The following CELF2 variants were observed in gnomAD, a reference collection of about 807,000 sequenced individuals.
CELF2 encodes CUGBP Elav-like family member 2.
Under a neutral mutation model 62.6 loss-of-function variants are expected in CELF2, and 8 were observed. That is an observed-to-expected ratio of 0.13 (90% CI 0.07 to 0.23). The LOEUF (loss-of-function observed/expected upper bound fraction) is 0.23, where lower values mean the gene tolerates loss of function less well. Ranked by LOEUF, CELF2 falls within the 10% of genes least tolerant of loss-of-function variation. CELF2 has a pLI of 1.00. For synonymous variants in CELF2, 258 were observed against 250.0 expected, an observed-to-expected ratio of 1.03 and a Z score of -0.30; for missense variants, 333 against 671.0, an observed-to-expected ratio of 0.50 and a Z score of 5.56.
At chr10:11,035,634 C>G (rs1297110795) in intron 1 of CELF2, among the ~76,000 whole-genome samples, 4 of 152,226 alleles carry the variant, frequency 2.6e-5, no homozygotes, top group African/African-American at 7.2e-5. Flanking sequence ...CTTTTTCACT[C>G]TGTAAGGCTA....
chr10:10,710,646 C>T, the CELF2 span, among the ~76,000 whole-genome samples: 1 of 151,754 alleles, frequency 6.6e-6, no homozygotes, highest in South Asian at 2.1e-4. Context: ...TGTTGTTTCT[C>T]TTTTAGAATG....
intron 5 of CELF2, among the ~76,000 whole-genome samples, chr10:11,264,231 TACTTC>T (rs1226604848): frequency 5.2e-5 from 8 of 152,386 alleles, no homozygotes; most frequent in Non-Finnish European, 8.8e-5. Flanking sequence ...CTATTGGTAA[TACTTC>T]TCTTCTGAGG....
At chr10:11,194,997 C>A (rs1196083597) in intron 2 of CELF2, among the ~76,000 whole-genome samples, 1 of 152,160 alleles carries the variant, frequency 6.6e-6, no homozygotes, top group Non-Finnish European at 1.5e-5. Context: ...TTTTAAGCAT[C>A]CTGTGGCACT....
At chr10:10,765,806 T>G in the CELF2 span, among the ~76,000 whole-genome samples, 3 of 152,172 alleles carry the variant, frequency 2.0e-5, no homozygotes, top group Non-Finnish European at 4.4e-5. Context: ...GAGTGTCTTT[T>G]CTTTGTTGGG....
At chr10:10,836,493 G>GT (rs1342839606) in intron 1 of CELF2, among the ~76,000 whole-genome samples, 1 of 152,230 alleles carries the variant, frequency 6.6e-6, no homozygotes, top group Non-Finnish European at 1.5e-5. Context: ...TGGCCAGGCA[G>GT]AAGCCTTTCT....
At chr10:10,933,082 C>G (rs1477962726) in intron 2 of CELF2, among the ~76,000 whole-genome samples, 1 of 151,728 alleles carries the variant, frequency 6.6e-6, no homozygotes, top group African/African-American at 2.4e-5. Flanking sequence ...AATGCTTGAG[C>G]CCAGGAGTTC....
the CELF2 span, among the ~76,000 whole-genome samples, chr10:10,766,204 C>A: frequency 2.6e-5 from 4 of 152,200 alleles, no homozygotes. Flanking sequence ...TCCTAATTCT[C>A]TCCCCTTGGT....
Position 11,330,912 on chromosome 10 carries a change from CTAGAGGTCTG to C in CELF2, c.*1862_*1871del, listed in dbSNP as rs1177364239. 6.6e-6 allele frequency: 1 copy of C among 152,518 alleles called. No homozygotes were observed. The highest frequency in any genetic ancestry group is 2.4e-5 in the African/African-American group (1 of 41,440). The allele number at this position is 152,518 out of a possible 1,614,324, so 9.4% of individuals were successfully genotyped here. On this transcript the variant is annotated 3_prime_UTR_variant, in exon 13 of 13. Coordinates refer to ENST00000633077, the MANE Select transcript of CELF2 (RefSeq NM_001326342.2). The surrounding 1 kb of genome is among the most constrained non-coding windows in gnomAD (Gnocchi z 4.5). ...AAAAAAACTGTCTGATTTTAAGTCT[CTAGAGGTCTG>C]TAATAGTTTTTACATTTTTCAGGCA...
chr10:10,761,837 C>A, the CELF2 span, among the ~76,000 whole-genome samples: 6 of 151,842 alleles, frequency 4.0e-5, no homozygotes, highest in African/African-American at 1.5e-4. Flanking sequence ...GGGTCTCCAG[C>A]TTGCCACCTA....
At chr10:10,873,346 A>G (rs570357336) in intron 1 of CELF2, among the ~76,000 whole-genome samples, 4 of 152,194 alleles carry the variant, frequency 2.6e-5, no homozygotes, top group Non-Finnish European at 5.9e-5. Flanking sequence ...AGGATGTTGA[A>G]CTTAAAATAA....
intron 1 of CELF2, among the ~76,000 whole-genome samples, chr10:11,088,964 G>T (rs934154707): frequency 6.6e-6 from 1 of 152,214 alleles, no homozygotes; most frequent in African/African-American, 2.4e-5. Flanking sequence ...TCTCCCGTGC[G>T]TTGGGCTGCC....
intron 1 of CELF2, among the ~76,000 whole-genome samples, chr10:10,884,971 C>T (rs1380456664): frequency 3.9e-5 from 6 of 152,188 alleles, no homozygotes; most frequent in African/African-American, 1.4e-4. Flanking sequence ...TATCTGGGCA[C>T]AGTGGCTCAT....
intron 1 of CELF2, among the ~76,000 whole-genome samples, chr10:10,912,941 C>T (rs147460485): frequency 1.3e-5 from 2 of 152,230 alleles, no homozygotes; most frequent in East Asian, 1.9e-4. Flanking sequence ...GTAACTACTT[C>T]GTGAGGCTTT....
the CELF2 span, among the ~76,000 whole-genome samples, chr10:10,582,427 C>G: frequency 6.6e-6 from 1 of 152,088 alleles, no homozygotes; most frequent in African/African-American, 2.4e-5. Context: ...TATATTTTTT[C>G]ATAGAAATAT....
At chr10:10,645,141 G>A in the CELF2 span, among the ~76,000 whole-genome samples, 3 of 152,096 alleles carry the variant, frequency 2.0e-5, no homozygotes, top group African/African-American at 7.2e-5. Context: ...GCTTATTCAG[G>A]GGGGATGAGA....
chr10:11,127,819 C>T (rs2058977629), intron 1 of CELF2, among the ~76,000 whole-genome samples: 1 of 152,116 alleles, frequency 6.6e-6, no homozygotes, highest in Admixed American at 6.5e-5. Context: ...AATTTTCTCC[C>T]ATTCTGTAGG....
At chr10:10,717,631 G>A in the CELF2 span, among the ~76,000 whole-genome samples, 1 of 152,038 alleles carries the variant, frequency 6.6e-6, no homozygotes, top group Non-Finnish European at 1.5e-5. Context: ...GTCATATGTT[G>A]GCCTATAGGA....
intron 1 of CELF2, among the ~76,000 whole-genome samples, chr10:10,909,193 G>A (rs537995957): frequency 5.3e-5 from 8 of 152,178 alleles, no homozygotes; most frequent in Non-Finnish European, 1.0e-4. Flanking sequence ...GGTCCTCTGA[G>A]GGGCTGTCCT....
chr10:11,294,995 C>T (rs531637932), intron 9 of CELF2, among the ~76,000 whole-genome samples: 1 of 73,814 alleles, frequency 1.4e-5, no homozygotes, highest in East Asian at 8.7e-4. Context: ...CTTGTTTACA[C>T]TCTTATTGCT....
Sources: gnomAD v4.1 joint callset for allele counts (sites outside exome capture counted in the v4.1 genomes callset) on GRCh38, gnomAD v4.1.1 for gene constraint, Gnocchi (gnomAD v3.1) non-coding constraint, MANE v1.5 for transcripts, NCBI Gene and HGNC (gene_info 2026-07-23, HGNC 2026-07-21) for gene names.